SLC7A7: variants seen among roughly 807,000 people sequenced by gnomAD.
The protein encoded by SLC7A7 is Y+L amino acid transporter 1.
Under a neutral mutation model 47.9 loss-of-function variants are expected in SLC7A7, and 39 were observed. That is an observed-to-expected ratio of 0.81 (90% CI 0.63 to 1.06). The LOEUF (loss-of-function observed/expected upper bound fraction) is 1.06, where lower values mean the gene tolerates loss of function less well. SLC7A7 is among the 50% of genes least tolerant of loss of function. The pLI is 0.00. For missense variants in SLC7A7, 588 were observed against 632.0 expected (o/e 0.93, Z 0.75); for synonymous variants, 234 against 242.8 (o/e 0.96, Z 0.34).
chr14:22,798,024 G>A (rs1276030839), intron 2 of SLC7A7, among the ~76,000 whole-genome samples: 1 of 152,178 alleles, frequency 6.6e-6, no homozygotes, highest in African/African-American at 2.4e-5. Flanking sequence ...GGCTGGGCAC[G>A]GTGGCTCATG....
intron 2 of SLC7A7, among the ~76,000 whole-genome samples, chr14:22,798,568 T>C (rs2039057072): frequency 6.6e-6 from 1 of 152,180 alleles, no homozygotes; most frequent in Admixed American, 6.5e-5. Context: ...TCCAGAAACA[T>C]ACCTCAACCA....
At chr14:22,785,275 C>A (rs1417499543) in intron 2 of SLC7A7, among the ~76,000 whole-genome samples, 1 of 152,132 alleles carries the variant, frequency 6.6e-6, no homozygotes, top group Non-Finnish European at 1.5e-5. Flanking sequence ...GAGACTCCAT[C>A]TCAAAAAATA....
intron 3 of SLC7A7, among the ~76,000 whole-genome samples, chr14:22,779,170 G>T (rs538754293): frequency 3.9e-4 from 59 of 152,304 alleles, no homozygotes; most frequent in African/African-American, 1.3e-3. Context: ...GACAGGAAGG[G>T]TCCAGGGTAG....
chr14:22,818,298 G>A (rs1361700299), upstream of SLC7A7, among the ~76,000 whole-genome samples: 6 of 152,112 alleles, frequency 3.9e-5, no homozygotes, highest in African/African-American at 1.4e-4. Flanking sequence ...CGCCCTAGTG[G>A]TAGCACCAGG....
In SLC7A7 at chr14:22,792,832, T is replaced by C. The variant is rs1179377929; in HGVS notation, c.500-12781A>G. Among the ~76,000 whole-genome samples, 5 of 135,176 alleles carry C rather than the reference T, an allele frequency of 3.7e-5. No individual in the cohort carries two copies. In the East Asian group the frequency reaches 1.2e-3, roughly 32 times the overall value. The allele number at this position is 135,176 out of a possible 152,430, so 88.7% of individuals were successfully genotyped here. A position where few individuals can be genotyped will look rare whatever the true frequency, so the allele number is the denominator to read the frequency against. On this transcript the variant is annotated intron_variant, in intron 2 of 9. Coordinates refer to ENST00000674313, the MANE Select transcript of SLC7A7 (RefSeq NM_003982.4). The stretch of plus-strand genomic sequence containing the variant: ...GAGATTGCACCACTGCACTCCAGCC[T>C]GGATGATAGTGTGAGGCCCCGTCTC...
upstream of SLC7A7, among the ~76,000 whole-genome samples, chr14:22,819,138 T>C (rs2039444233): frequency 6.6e-6 from 1 of 152,056 alleles, no homozygotes; most frequent in African/African-American, 2.4e-5. Context: ...AAAACACAAT[T>C]TCTCCAGGAA....
chr14:22,784,788 A>G (rs1289415353), intron 2 of SLC7A7, among the ~76,000 whole-genome samples: 1 of 152,174 alleles, frequency 6.6e-6, no homozygotes, highest in East Asian at 1.9e-4. Context: ...GTGGATCCAG[A>G]ACAGAACAAA....
In SLC7A7 at chr14:22,790,221, C is replaced by A. The variant is rs536270457; in HGVS notation, c.500-10170G>T. ...GCGTGCACCTGTAGTCTCAACTACT[C>A]AGGAGGCTAAGGTGGGAGAATTGCT... On this transcript the variant is annotated intron_variant, in intron 2 of 9. Transcript: ENST00000674313. 3.3e-5 allele frequency among the ~76,000 whole-genome samples: 5 copies of A among 149,292 alleles called. No individual in the cohort carries two copies. In the South Asian group the frequency reaches 1.1e-3, roughly 32 times the overall value.
rs766646085 is a variant in SLC7A7 at position 22,813,284 on chromosome 14, G to C, written c.115C>G (p.Leu39Val). 30 of 1,614,080 alleles carry C rather than the reference G, an allele frequency of 1.9e-5. No individual in the cohort carries two copies. The highest frequency in any genetic ancestry group is 2.5e-5 in the Non-Finnish European group (30 of 1,180,038). Residue 39 changes from leucine to valine, a missense_variant, in exon 2 of 10, where the codon CTG (leucine) becomes GTG (valine). Physicochemically the swap from Leu to Val is conservative, Grantham distance 32. Transcript: ENST00000674313. ...EQVKLKKEISLLNGVCLIVGN... is the reference protein window; with the variant it reads ...EQVKLKKEISVLNGVCLIVGN... ...ACAATCAGGCACACGCCGTTAAGCA[G>C]TGAGATCTCCTTCTTCAGCTTCACC...
rs999033641 is a variant in SLC7A7, at chr14:22,795,449, A to T, written c.500-15398T>A. On this transcript the variant is annotated intron_variant, in intron 2 of 9. Coordinates refer to ENST00000674313, the MANE Select transcript of SLC7A7 (RefSeq NM_003982.4). ...TTCTTTCTTTCTTTCTTTCTTTTCT[A>T]TTCTTTTCTTTTCTTTTCTTTTCTT... Among the ~76,000 whole-genome samples the T allele has an allele frequency of 2.4e-3, 294 of 123,834 alleles. 7 individuals are homozygous for T. Among genetic ancestry groups the T allele is most frequent in the African/African-American group, 8.7e-3 (277 of 31,960 alleles). The allele number at this position is 123,834 out of a possible 152,430, so 81.2% of individuals were successfully genotyped here. A position where few individuals can be genotyped will look rare whatever the true frequency, so the allele number is the denominator to read the frequency against.
chr14:22,813,436 T>A lies in SLC7A7; in HGVS notation c.-38A>T. ...GAAACCCTTCACCAGCTTCCTGGCA[T>A]TGCCCTTTAAGGAAGAAAGATGATG... is the stretch of plus-strand genomic sequence containing the variant. On this transcript the variant is annotated 5_prime_UTR_variant, in exon 2 of 10. It removes an upstream start codon present in the reference 5' UTR. Transcript: ENST00000674313. The A allele has an allele frequency of 1.2e-6, 2 of 1,603,864 alleles. No homozygotes were observed. Among genetic ancestry groups the A allele is most frequent in the South Asian group, 1.1e-5 (1 of 91,070 alleles).
At chr14:22,799,051 G>A (rs912775962) in intron 2 of SLC7A7, among the ~76,000 whole-genome samples, 3 of 152,120 alleles carry the variant, frequency 2.0e-5, no homozygotes, top group Non-Finnish European at 4.4e-5. Context: ...AATACATTTT[G>A]CTGGGTGAAT....
Position 22,778,920 on chromosome 14 carries a change from C to G in SLC7A7, c.643G>C (p.Glu215Gln). 6.2e-7 allele frequency: 1 copy of G among 1,614,060 alleles called. No individual in the cohort carries two copies. Among genetic ancestry groups the G allele is most frequent in the Non-Finnish European group, 8.5e-7 (1 of 1,180,040 alleles). Residue 215 changes from glutamate (E) to glutamine (Q), a missense_variant, in exon 4 of 10, where the codon GAG (glutamate) becomes CAG (glutamine). Coordinates refer to ENST00000674313, the MANE Select transcript of SLC7A7 (RefSeq NM_003982.4). ...RLGQGASTHF[E>Q]NSFEGSSFAV... Reference sequence around the variant, plus strand: ...AATGATGAACCCTCAAAGGAATTCTCAAAATGAGTAGAGGCTCCTGGAACC... The same window carrying G: ...AATGATGAACCCTCAAAGGAATTCTGAAAATGAGTAGAGGCTCCTGGAACC...
chr14:22,813,483 A>G, intron 1 of SLC7A7, 43 bp from the exon 2 acceptor site: 1 of 1,552,982 alleles, frequency 6.4e-7, no homozygotes, highest in East Asian at 2.3e-5. Flanking sequence ...GTGGTTGGCA[A>G]TTACATAGAA....
chr14:22,776,229 A>C lies in SLC7A7; in HGVS notation c.860T>G (p.Met287Arg), dbSNP rs755142027. The change falls in exon 5 of 10, where the codon ATG becomes AGG. Residue 287 changes from methionine to arginine, a missense_variant. By Grantham distance (91) the Met-to-Arg change is moderately conservative. Coordinates refer to ENST00000674313, the MANE Select transcript of SLC7A7 (RefSeq NM_003982.4). ...AGCATCACTGGCCAAGATGTCTCTCATGTCTAGCACAGTATAATAGGCCAC... is the reference window on the plus strand; with the variant it reads ...AGCATCACTGGCCAAGATGTCTCTCCTGTCTAGCACAGTATAATAGGCCAC... Reference protein sequence around the residue: ...TNVAYYTVLDMRDILASDAVA... With the variant: ...TNVAYYTVLDRRDILASDAVA... 16 of 1,614,090 alleles carry C rather than the reference A, an allele frequency of 9.9e-6. No individual in the cohort carries two copies. The highest frequency in any genetic ancestry group is 1.7e-5 in the Admixed American group (1 of 60,002).
Position 22,813,129 on chromosome 14 carries a change from A to C in SLC7A7, c.270T>G (p.Tyr90Ter). Residue 90 changes from tyrosine (Y) to a stop codon, truncating the protein, a stop_gained, in exon 2 of 10, where the codon TAT (tyrosine) becomes TAG (stop). Coordinates refer to ENST00000674313, the MANE Select transcript of SLC7A7 (RefSeq NM_003982.4). LOFTEE classifies it high-confidence loss of function. ...TCTTAATGGTGGTGCCCAGTTCCGC[A>C]TAACAAAGGGCCCCAAAGACGGAGA... ...GLFSVFGALCYAELGTTIKKS... is the reference protein window; with the variant it reads ...GLFSVFGALC 1 of 1,614,174 alleles carries C rather than the reference A, an allele frequency of 6.2e-7. No individual in the cohort carries two copies. The highest frequency in any genetic ancestry group is 1.1e-5 in the South Asian group (1 of 91,082).
At chr14:22,778,343 T>G (rs1044865560) in intron 4 of SLC7A7, among the ~76,000 whole-genome samples, 1 of 152,172 alleles carries the variant, frequency 6.6e-6, no homozygotes, top group African/African-American at 2.4e-5. Context: ...TAGGGTGACT[T>G]AATTGAATGA....
chr14:22,783,691 G>A (rs949029376), intron 2 of SLC7A7, among the ~76,000 whole-genome samples: 21 of 152,076 alleles, frequency 1.4e-4, no homozygotes, highest in African/African-American at 4.1e-4. Flanking sequence ...GTGAGTCACC[G>A]GCGTGGCGTG....
intron 2 of SLC7A7, among the ~76,000 whole-genome samples, chr14:22,793,244 A>G (rs1209418126): frequency 3.9e-5 from 6 of 152,100 alleles, no homozygotes; most frequent in Non-Finnish European, 8.8e-5. Flanking sequence ...TAAAGAAACA[A>G]CCAATTCGCT....
Sources: gnomAD v4.1 joint callset for allele counts (sites outside exome capture counted in the v4.1 genomes callset) on GRCh38, gnomAD v4.1.1 for gene constraint, MANE v1.5 for transcripts, NCBI Gene and HGNC (gene_info 2026-07-23, HGNC 2026-07-21) for gene names.